Variants in EXT1 observed in about 807,000 individuals in gnomAD.
EXT1 encodes exostosin-1.
In EXT1, 20 loss-of-function variants were observed where a neutral mutation model predicts 82.5. That is an observed-to-expected ratio of 0.24 (90% CI 0.17 to 0.35). The LOEUF (loss-of-function observed/expected upper bound fraction) is 0.35. EXT1 is among the 10% of genes least tolerant of loss of function. The probability of loss-of-function intolerance (pLI) is 1.00; values close to 1 mark genes in which losing one functional copy is unlikely to be tolerated. For missense variants in EXT1, 757 were observed against 936.5 expected, an observed-to-expected ratio of 0.81 and a Z score of 2.50; for synonymous variants, 348 against 350.8, an observed-to-expected ratio of 0.99 and a Z score of 0.09.
intron 9 of EXT1, among the ~76,000 whole-genome samples, chr8:117,805,794 T>C (rs1170653299): frequency 6.6e-6 from 1 of 152,234 alleles, no homozygotes; most frequent in Non-Finnish European, 1.5e-5. Flanking sequence ...GAGTGGGGAA[T>C]GTTAGCTATC....
At chr8:118,072,490 G>T (rs17505945) in intron 1 of EXT1, among the ~76,000 whole-genome samples, 3 of 152,136 alleles carry the variant, frequency 2.0e-5, no homozygotes, top group African/African-American at 4.8e-5. Context: ...TTACCCTAAG[G>T]GGGGAGACCC....
intron 1 of EXT1, among the ~76,000 whole-genome samples, chr8:117,931,395 T>C (rs903874294): frequency 2.6e-5 from 4 of 151,928 alleles, no homozygotes; most frequent in Non-Finnish European, 4.4e-5. Flanking sequence ...ATAACTGATA[T>C]ATTAGCAATT....
intron 1 of EXT1, among the ~76,000 whole-genome samples, chr8:117,884,590 G>A (rs751074414): frequency 1.2e-4 from 18 of 152,184 alleles, no homozygotes; most frequent in Non-Finnish European, 2.2e-4. Context: ...TGTATCATTA[G>A]TGTGCAACAG....
intron 1 of EXT1, among the ~76,000 whole-genome samples, chr8:117,915,048 A>G (rs1182745158): frequency 6.6e-6 from 1 of 152,182 alleles, no homozygotes; most frequent in African/African-American, 2.4e-5. Flanking sequence ...TTTGAGGCTC[A>G]GGTGGGCATC....
intron 1 of EXT1, among the ~76,000 whole-genome samples, chr8:117,846,001 G>A (rs1011368098): frequency 1.3e-5 from 2 of 152,292 alleles, no homozygotes; most frequent in African/African-American, 4.8e-5. Context: ...AAAGAGTAAC[G>A]AGGTGCCAGC....
chr8:117,897,446 T>A (rs7002023), intron 1 of EXT1, among the ~76,000 whole-genome samples: 11 of 152,028 alleles, frequency 7.2e-5, no homozygotes, highest in African/African-American at 2.4e-4. Context: ...CTGTTCCTGC[T>A]TTATTTCAAT....
intron 1 of EXT1, among the ~76,000 whole-genome samples, chr8:118,022,101 C>T (rs1038692309): frequency 1.3e-5 from 2 of 152,086 alleles, no homozygotes; most frequent in African/African-American, 4.8e-5. Context: ...TCCTTCATTT[C>T]AGTAAGCCTT....
chr8:117,954,812 A>G (rs1586306971), intron 1 of EXT1, among the ~76,000 whole-genome samples: 1 of 152,322 alleles, frequency 6.6e-6, no homozygotes, highest in African/African-American at 2.4e-5. Flanking sequence ...ACCAACAACA[A>G]GTTCTCCAAC....
At position 117,796,598 on chromosome 8, in the gene EXT1, A is replaced by G. The variant is rs952434431; in HGVS notation, c.*3114T>C. The G allele has an allele frequency of 5.9e-5, 9 of 152,174 alleles. No homozygotes were observed. Among genetic ancestry groups the G allele is most frequent in the Non-Finnish European group, 8.8e-5 (6 of 68,032 alleles). 9.4% of individuals were successfully genotyped at this position (152,174 alleles called of 1,614,324 possible). On this transcript the variant is annotated 3_prime_UTR_variant, in exon 11 of 11. Transcript: ENST00000378204. ...CCGGATTGATCCTTCTTTGAGCACC[A>G]TTTGTCACAAGAAGAAATTAAACTG...
chr8:118,048,861 G>C (rs1816671625), intron 1 of EXT1, among the ~76,000 whole-genome samples: 1 of 152,130 alleles, frequency 6.6e-6, no homozygotes, highest in South Asian at 2.1e-4. Flanking sequence ...TCTGAACAAG[G>C]ATCCAAGGAA....
chr8:117,969,321 T>C (rs573385884), intron 1 of EXT1, among the ~76,000 whole-genome samples: 1 of 152,348 alleles, frequency 6.6e-6, no homozygotes, highest in Admixed American at 6.5e-5. Flanking sequence ...CTTAACGGAA[T>C]TGAACAGAGT....
intron 1 of EXT1, among the ~76,000 whole-genome samples, chr8:117,898,870 G>T (rs547444471): frequency 6.6e-6 from 1 of 151,564 alleles, no homozygotes; most frequent in African/African-American, 2.4e-5. Context: ...CTAAGAATAT[G>T]ACTCCAATCA....
intron 1 of EXT1, among the ~76,000 whole-genome samples, chr8:117,991,731 T>G (rs1815439408): frequency 6.6e-6 from 1 of 152,054 alleles, no homozygotes; most frequent in African/African-American, 2.4e-5. Flanking sequence ...CCAACTAATT[T>G]TTGTATTTTT....
intron 1 of EXT1, among the ~76,000 whole-genome samples, chr8:117,882,920 C>T (rs554489160): frequency 8.1e-5 from 12 of 147,910 alleles, no homozygotes; most frequent in Non-Finnish European, 5.9e-5. Context: ...GAGATTGCAG[C>T]GAGCCAAGAT....
At chr8:117,869,314 G>A (rs1446223051) in intron 1 of EXT1, among the ~76,000 whole-genome samples, 1 of 152,166 alleles carries the variant, frequency 6.6e-6, no homozygotes, top group Non-Finnish European at 1.5e-5. Context: ...CATAAATAGT[G>A]ATTTATTTGT....
intron 8 of EXT1, among the ~76,000 whole-genome samples, chr8:117,810,479 T>G (rs545523875): frequency 6.6e-6 from 1 of 152,350 alleles, no homozygotes; most frequent in South Asian, 2.1e-4. Flanking sequence ...CCTCCCAGCA[T>G]GCATTGAGTG....
intron 1 of EXT1, among the ~76,000 whole-genome samples, chr8:118,058,207 C>T (rs1816826568): frequency 6.6e-6 from 1 of 151,968 alleles, no homozygotes; most frequent in South Asian, 2.1e-4. Flanking sequence ...CAGGAAAAAC[C>T]TGTTTCTGTG....
intron 1 of EXT1, among the ~76,000 whole-genome samples, chr8:118,105,712 TGGG>T (rs1156931660): frequency 6.6e-6 from 1 of 152,134 alleles, no homozygotes; most frequent in Non-Finnish European, 1.5e-5. Context: ...TGTACAACTG[TGGG>T]GAGAAAGGTG....
chr8:117,826,683 T>C (rs1812012741), intron 4 of EXT1, among the ~76,000 whole-genome samples: 1 of 152,142 alleles, frequency 6.6e-6, no homozygotes, highest in South Asian at 2.1e-4. Flanking sequence ...TCATGCAACT[T>C]GGTTGAGAGG....
Sources: allele counts gnomAD v4.1 joint callset (sites outside exome capture counted in the v4.1 genomes callset), GRCh38; gene constraint gnomAD v4.1.1; transcripts MANE v1.5; gene names NCBI Gene and HGNC (gene_info 2026-07-23, HGNC 2026-07-21).